The following CAPS2 variants were observed in gnomAD, a reference collection of about 807,000 sequenced individuals.
CAPS2 encodes calcyphosine 2.
CAPS2 carries 98 observed loss-of-function variants against 86.5 expected under a neutral mutation model. That is an observed-to-expected ratio of 1.13 (90% confidence interval 0.96 to 1.34). The LOEUF (loss-of-function observed/expected upper bound fraction) is 1.34. Among genes scored for constraint, CAPS2 ranks in the 40% most tolerant of loss-of-function variants. The pLI is 0.00. For missense variants in CAPS2, 729 were observed against 686.8 expected (o/e 1.06, Z -0.69); for synonymous variants, 210 against 225.1 (o/e 0.93, Z 0.60).
At chr12:75,313,891 T>C (rs781091628) in intron 6 of CAPS2, among the ~76,000 whole-genome samples, 2 of 152,172 alleles carry the variant, frequency 1.3e-5, no homozygotes, top group Non-Finnish European at 2.9e-5. Context: ...CACAATTATT[T>C]AAATGCTATT....
upstream of CAPS2, among the ~76,000 whole-genome samples, chr12:75,331,536 A>C (rs1487342604): frequency 6.6e-6 from 1 of 152,196 alleles, no homozygotes; most frequent in Admixed American, 6.5e-5. Context: ...CAGAAAACAC[A>C]CATAAAAATA....
intron 1 of CAPS2, among the ~76,000 whole-genome samples, chr12:75,338,440 A>T (rs1009759971): frequency 6.6e-6 from 1 of 152,158 alleles, no homozygotes; most frequent in African/African-American, 2.4e-5. Flanking sequence ...AATGAGAAAA[A>T]TTATATGATC....
chr12:75,287,523 TAC>T (rs898983749), intron 14 of CAPS2, among the ~76,000 whole-genome samples: 7 of 152,118 alleles, frequency 4.6e-5, no homozygotes, highest in Non-Finnish European at 1.5e-5. Flanking sequence ...ATCACATTTC[TAC>T]ACAGTTATGC....
At chr12:75,322,644 T>C (rs963527507) in intron 4 of CAPS2, among the ~76,000 whole-genome samples, 1 of 152,180 alleles carries the variant, frequency 6.6e-6, no homozygotes, top group African/African-American at 2.4e-5. Context: ...ACTTACTCCA[T>C]AGTATCCCAG....
intron 7 of CAPS2, chr12:75,306,156 C>A: frequency 1.0e-6 from 1 of 999,724 alleles, no homozygotes; most frequent in Non-Finnish European, 1.6e-6. Context: ...AGGAGTTCGT[C>A]CAGCAGAATT....
At position 75,291,887 on chromosome 12, in the gene CAPS2, C is replaced by A. The variant is rs375039552; in HGVS notation, c.1164-67G>T. 2.8e-4 allele frequency: 183 copies of A among 646,460 alleles called. 2 individuals carry two copies. The African/African-American group carries it at 2.8e-3, about 10-fold the overall frequency. 40.0% of individuals were successfully genotyped at this position (646,460 alleles called of 1,614,324 possible). A position where few individuals can be genotyped will look rare whatever the true frequency, so the allele number is the denominator to read the frequency against. On this transcript the variant is annotated intron_variant, in intron 12 of 16. Coordinates refer to ENST00000393284, the Ensembl canonical transcript of CAPS2. ...CTATTTTACAATCTTGAGTATAAAA[C>A]CTCTAAGCTCTTCCCTGCTCCAGAC... is the stretch of plus-strand genomic sequence containing the variant.
chr12:75,368,570 A>C (rs959770200), intron 1 of CAPS2, among the ~76,000 whole-genome samples: 5 of 151,128 alleles, frequency 3.3e-5, no homozygotes, highest in Non-Finnish European at 5.9e-5. Context: ...GGTTTCCTTA[A>C]GAGATGGCTA....
chr12:75,377,881 A>G (rs997698780), intron 1 of CAPS2, among the ~76,000 whole-genome samples: 1 of 150,872 alleles, frequency 6.6e-6, no homozygotes, highest in Non-Finnish European at 1.5e-5. Context: ...GTGTGTCTAT[A>G]TATATATAAA....
rs188781084 is a variant in CAPS2 at position 75,362,399 on chromosome 12, G to T, written c.-395+28439C>A. Among the ~76,000 whole-genome samples, 127 of 152,230 alleles carry T rather than the reference G, an allele frequency of 8.3e-4. 1 individual carries two copies. The highest frequency in any genetic ancestry group is 1.1e-3 in the Non-Finnish European group (78 of 67,998). ...GCCATGGTATTCTCATGCACTGTTA[G>T]ATCTGTGTCCCTATAATGATGTATG... On this transcript the variant is annotated intron_variant, in intron 1 of 5. Coordinates refer to the CAPS2 transcript ENST00000551829.
intron 1 of CAPS2, chr12:75,369,821 A>C: frequency 7.6e-7 from 1 of 1,314,830 alleles, no homozygotes; most frequent in South Asian, 2.1e-5. Flanking sequence ...AGGATTGAGT[A>C]GGAAAGTTTC....
At chr12:75,326,595 T>A (rs901024510), upstream of CAPS2, 18 of 732,762 alleles carry the variant, frequency 2.5e-5, no homozygotes, top group Non-Finnish European at 4.0e-5. Context: ...TCATACAAAT[T>A]ACCTAACAAG....
intron 7 of CAPS2, chr12:75,305,396 C>G (rs1361548654): frequency 2.5e-6 from 1 of 404,656 alleles, no homozygotes; most frequent in Non-Finnish European, 4.6e-6. Flanking sequence ...GGAGGGAGGG[C>G]AGACTCAAAG....
At chr12:75,300,308 G>T (rs2037599779) in intron 8 of CAPS2, among the ~76,000 whole-genome samples, 1 of 151,984 alleles carries the variant, frequency 6.6e-6, no homozygotes, top group Non-Finnish European at 1.5e-5. Flanking sequence ...TGTAATCCCA[G>T]CACTTAGGGA....
At chr12:75,346,759 A>G (rs1011116557) in intron 1 of CAPS2, among the ~76,000 whole-genome samples, 1 of 152,152 alleles carries the variant, frequency 6.6e-6, no homozygotes, top group African/African-American at 2.4e-5. Context: ...TCTGGCTAGG[A>G]CAAGGCTATA....
At chr12:75,306,531 A>G (rs1386959898) in intron 7 of CAPS2, among the ~76,000 whole-genome samples, 1 of 152,186 alleles carries the variant, frequency 6.6e-6, no homozygotes, top group African/African-American at 2.4e-5. Context: ...ACTACTGTGT[A>G]GTGTTTAGGA....
chr12:75,288,816 TC>T (rs1245316695), intron 14 of CAPS2, among the ~76,000 whole-genome samples: 6 of 152,148 alleles, frequency 3.9e-5, no homozygotes, highest in African/African-American at 1.4e-4. Context: ...AACACTCTGG[TC>T]CCCACCCTGA....
chr12:75,357,092 A>G lies in CAPS2; in HGVS notation c.-395+33746T>C, dbSNP rs2043202470. Among the ~76,000 whole-genome samples the G allele has an allele frequency of 2.0e-5, 3 of 152,192 alleles. No individual in the cohort carries two copies. The South Asian group carries it at 6.2e-4, about 31-fold the overall frequency. ...TGTAGTTCAGTTACTCAGGAGGCTG[A>G]GGTGGTAGTATAAGTAAAGCCTAGA... On this transcript the variant is annotated intron_variant, in intron 1 of 5. Coordinates refer to the CAPS2 transcript ENST00000551829.
chr12:75,342,150 T>C (rs552597714), intron 1 of CAPS2, among the ~76,000 whole-genome samples: 3 of 152,308 alleles, frequency 2.0e-5, no homozygotes, highest in South Asian at 2.1e-4. Context: ...TGTGACTTAA[T>C]GGGTTAGCAT....
chr12:75,352,811 T>C (rs2042901240), intron 1 of CAPS2, among the ~76,000 whole-genome samples: 2 of 152,082 alleles, frequency 1.3e-5, no homozygotes, highest in African/African-American at 2.4e-5. Context: ...CAGAACAAAA[T>C]ACAATCAAAT....
Sources: allele counts gnomAD v4.1 joint callset (sites outside exome capture counted in the v4.1 genomes callset), GRCh38; gene constraint gnomAD v4.1.1; transcripts MANE v1.5; gene names NCBI Gene and HGNC (gene_info 2026-07-23, HGNC 2026-07-21).